TAFA2: variants seen among roughly 807,000 people sequenced by gnomAD.
TAFA2 encodes TAFA chemokine like family member 2.
A neutral mutation model predicts 18.8 loss-of-function variants in TAFA2; 7 were observed. The observed-to-expected ratio is 0.37, with a 90% confidence interval of 0.21 to 0.70. TAFA2 has a LOEUF of 0.70. TAFA2 is among the 30% of genes least tolerant of loss of function. The pLI is 0.53. For synonymous variants in TAFA2, 60 were observed against 54.2 expected (o/e 1.11, Z -0.47); for missense variants, 122 against 158.1 (o/e 0.77, Z 1.23).
At chr12:62,107,517 G>A (rs543615052) in intron 1 of TAFA2, among the ~76,000 whole-genome samples, 263 of 152,242 alleles carry the variant, frequency 1.7e-3, no homozygotes, top group African/African-American at 6.0e-3. Context: ...GACCTCAAAA[G>A]TTAACTTTTC....
At chr12:61,949,246 G>A (rs1878383217) in intron 1 of TAFA2, among the ~76,000 whole-genome samples, 1 of 152,068 alleles carries the variant, frequency 6.6e-6, no homozygotes, top group South Asian at 2.1e-4. Flanking sequence ...TGTGTGAGCT[G>A]GAACATCAAT....
At chr12:62,072,980 A>C (rs1321985672) in intron 1 of TAFA2, among the ~76,000 whole-genome samples, 2 of 152,340 alleles carry the variant, frequency 1.3e-5, no homozygotes, top group East Asian at 3.9e-4. Flanking sequence ...CAACCTAAAA[A>C]ATGTTCTTGT....
At chr12:62,254,965 T>TA (rs1350058596) in intron 1 of TAFA2, among the ~76,000 whole-genome samples, 1 of 152,214 alleles carries the variant, frequency 6.6e-6, no homozygotes, top group Non-Finnish European at 1.5e-5. Flanking sequence ...CTGGAATCTA[T>TA]ATAGCTGCAG....
chr12:62,086,166 C>CA (rs35820293), intron 1 of TAFA2, among the ~76,000 whole-genome samples: 3,647 of 146,526 alleles, frequency 0.025, 147 homozygotes, highest in African/African-American at 0.086. Flanking sequence ...AAGACAGTCT[C>CA]AAAAAAACAA....
intron 1 of TAFA2, among the ~76,000 whole-genome samples, chr12:62,001,546 C>T (rs929877257): frequency 6.6e-6 from 1 of 152,080 alleles, no homozygotes; most frequent in Non-Finnish European, 1.5e-5. Flanking sequence ...AGATCCCTCA[C>T]ATGCGCAGAT....
intron 1 of TAFA2, among the ~76,000 whole-genome samples, chr12:61,889,808 G>T (rs1875548622): frequency 6.6e-6 from 1 of 152,088 alleles, no homozygotes; most frequent in African/African-American, 2.4e-5. Flanking sequence ...TGTTTTGTCT[G>T]CCCCAAATGT....
chr12:62,252,085 C>T (rs1284844848), intron 1 of TAFA2: 1 of 152,230 alleles, frequency 6.6e-6, no homozygotes, highest in Non-Finnish European at 1.5e-5. Flanking sequence ...ATCTACCATT[C>T]TAGAGTTTCC....
At chr12:61,784,714 G>C (rs76371532) in intron 2 of TAFA2, among the ~76,000 whole-genome samples, 9 of 140,348 alleles carry the variant, frequency 6.4e-5, no homozygotes, top group African/African-American at 2.4e-4. Flanking sequence ...AAAAAAAAAA[G>C]TTTATTTCAA....
chr12:62,005,461 A>G (rs1370066117), intron 1 of TAFA2, among the ~76,000 whole-genome samples: 3 of 152,162 alleles, frequency 2.0e-5, no homozygotes, highest in East Asian at 3.8e-4. Context: ...CTGGAAATTC[A>G]TATAGAAAAT....
At chr12:62,060,250 TAATA>T (rs1882308915) in intron 1 of TAFA2, among the ~76,000 whole-genome samples, 1 of 152,184 alleles carries the variant, frequency 6.6e-6, no homozygotes, top group African/African-American at 2.4e-5. Context: ...ATGTTGCAAA[TAATA>T]AATACAATCA....
At chr12:62,226,659 C>G (rs943650112) in intron 1 of TAFA2, among the ~76,000 whole-genome samples, 1 of 152,170 alleles carries the variant, frequency 6.6e-6, no homozygotes, top group Non-Finnish European at 1.5e-5. Flanking sequence ...AAAGTTTACC[C>G]CACTTTCCAT....
chr12:62,077,748 A>G (rs1305297674), intron 1 of TAFA2, among the ~76,000 whole-genome samples: 1 of 152,106 alleles, frequency 6.6e-6, no homozygotes, highest in Non-Finnish European at 1.5e-5. Flanking sequence ...TTATTATGCC[A>G]TGTACTCTCA....
intron 1 of TAFA2, chr12:61,880,031 TCC>T: frequency 2.8e-6 from 2 of 720,570 alleles, no homozygotes; most frequent in Non-Finnish European, 5.1e-6. Context: ...GGAGCTGCAG[TCC>T]CTGATCTCGG....
intron 4 of TAFA2, among the ~76,000 whole-genome samples, chr12:61,719,453 C>G (rs995124703): frequency 1.3e-5 from 2 of 152,120 alleles, no homozygotes; most frequent in African/African-American, 4.8e-5. Context: ...ATGGCTCCAC[C>G]TGGTCCCAAG....
intron 1 of TAFA2, among the ~76,000 whole-genome samples, chr12:62,255,942 T>C (rs532053899): frequency 6.6e-6 from 1 of 151,972 alleles, no homozygotes. Context: ...TTTCATGGTA[T>C]AGTCAGCTTT....
intron 2 of TAFA2, among the ~76,000 whole-genome samples, chr12:61,799,033 A>G (rs1483248930): frequency 2.0e-5 from 3 of 152,260 alleles, no homozygotes; most frequent in Non-Finnish European, 4.4e-5. Context: ...TAGAAAATAT[A>G]GCTTCCTTTA....
At chr12:61,815,716 G>A (rs1872055905) in intron 2 of TAFA2, among the ~76,000 whole-genome samples, 1 of 151,094 alleles carries the variant, frequency 6.6e-6, no homozygotes, top group African/African-American at 2.5e-5. Context: ...TCAATATAAA[G>A]GTAAGAGTTG....
chr12:61,788,679 G>C (rs1296942444), intron 2 of TAFA2, among the ~76,000 whole-genome samples: 1 of 151,410 alleles, frequency 6.6e-6, no homozygotes, highest in African/African-American at 2.4e-5. Context: ...AAAAAATGAA[G>C]AGTAAAATAA....
intron 1 of TAFA2, among the ~76,000 whole-genome samples, chr12:62,254,530 T>C (rs1393301502): frequency 6.6e-6 from 1 of 152,212 alleles, no homozygotes; most frequent in Non-Finnish European, 1.5e-5. Flanking sequence ...GTAGAAATCA[T>C]GTCCAATGTA....
Sources: allele counts gnomAD v4.1 joint callset (sites outside exome capture counted in the v4.1 genomes callset), GRCh38; gene constraint gnomAD v4.1.1; transcripts MANE v1.5; gene names NCBI Gene and HGNC (gene_info 2026-07-23, HGNC 2026-07-21).